The following MAPK8IP3 variants were observed in gnomAD, a reference collection of about 807,000 sequenced individuals.
The protein encoded by MAPK8IP3 is C-Jun-amino-terminal kinase-interacting protein 3.
A neutral mutation model predicts 157.8 loss-of-function variants in MAPK8IP3; 49 were observed. The observed-to-expected ratio is 0.31, with a 90% CI of 0.25 to 0.39. The LOEUF is 0.39. Ranked by LOEUF, MAPK8IP3 falls within the 10% of genes least tolerant of loss-of-function variation. MAPK8IP3 has a pLI of 1.00. For synonymous variants in MAPK8IP3, 897 were observed against 777.7 expected (o/e 1.15, Z -2.55); for missense variants, 1,478 against 1,889.4 (o/e 0.78, Z 4.04).
intron 29 of MAPK8IP3, 34 bp downstream of exon 29, chr16:1,768,141 G>A: frequency 1.2e-6 from 2 of 1,612,054 alleles, no homozygotes; most frequent in Non-Finnish European, 1.7e-6. Context: ...CCTCACGGGA[G>A]CCTCTCCCAC....
rs1221670008 is a variant in MAPK8IP3 at position 1,758,150 on chromosome 16, G to C, written c.1219G>C (p.Glu407Gln). ...CTGTGCGTCGCTGGACTCGCCAGGG[G>C]AGTTCTCAGGTGAGTATCTCACTCT... ...DVDEGADLLG[E>Q]FSVRDDFFGM... The change falls in exon 9 of 32, where the codon GAG becomes CAG. Residue 407 changes from glutamate to glutamine, a missense_variant and splice_region_variant. Glu to Gln is a conservative substitution (Grantham distance 29, BLOSUM62 2). Transcript: ENST00000610761. The C allele has an allele frequency of 6.2e-7, 1 of 1,613,756 alleles. No homozygotes were observed. The highest frequency in any genetic ancestry group is 8.5e-7 in the Non-Finnish European group (1 of 1,179,840).
chr16:1,712,048 G>GTTTTT (rs2037815585), intron 1 of MAPK8IP3, among the ~76,000 whole-genome samples: 4 of 115,856 alleles, frequency 3.5e-5, no homozygotes, highest in Non-Finnish European at 7.1e-5. Flanking sequence ...GGCCTCAGGA[G>GTTTTT]TTCTTTTTTT....
chr16:1,709,099 T>C (rs1288973899), intron 1 of MAPK8IP3, among the ~76,000 whole-genome samples: 1 of 152,184 alleles, frequency 6.6e-6, no homozygotes, highest in Non-Finnish European at 1.5e-5. Flanking sequence ...TAGTCAGAGA[T>C]GGGTAACCTG....
At chr16:1,746,779 C>T in intron 5 of MAPK8IP3, 1 of 550,480 alleles carries the variant, frequency 1.8e-6, no homozygotes, top group East Asian at 3.0e-5. Flanking sequence ...AAGCCCCGTT[C>T]CAAGCCATTT....
intron 4 of MAPK8IP3, among the ~76,000 whole-genome samples, chr16:1,738,550 CCGTGTGAG>C (rs1284393550): frequency 5.6e-5 from 7 of 125,978 alleles, no homozygotes; most frequent in Non-Finnish European, 8.1e-5. Context: ...GTGTGAGCAT[CCGTGTGAG>C]CGTGTGAGCA....
In MAPK8IP3 at chr16:1,706,227, G is replaced by T; in HGVS notation, c.-113G>T. 1 of 978,572 alleles carries T rather than the reference G, an allele frequency of 1.0e-6. No homozygotes were observed. Among genetic ancestry groups the T allele is most frequent in the Non-Finnish European group, 1.4e-6 (1 of 723,000 alleles). 60.6% of individuals were successfully genotyped at this position (978,572 alleles called of 1,614,324 possible). A position where few individuals can be genotyped will look rare whatever the true frequency, so the allele number is the denominator to read the frequency against. On this transcript the variant is annotated 5_prime_UTR_variant, in exon 1 of 32. Coordinates refer to ENST00000610761, the MANE Select transcript of MAPK8IP3 (RefSeq NM_001318852.2). The surrounding 1 kb of genome is among the most constrained non-coding windows in gnomAD (Gnocchi z 5.1). ...GCAGCGGCGGCGGCGGAGCCCTGAG[G>T]CGACAGCAGCTGCGGGAGGCGACGG...
rs1179969878 is a variant in MAPK8IP3, at chr16:1,724,291, C to T, written c.319-266C>T. Among the ~76,000 whole-genome samples the T allele has an allele frequency of 6.6e-6, 1 of 152,240 alleles. No individual in the cohort carries two copies. The highest frequency in any genetic ancestry group is 1.5e-5 in the Non-Finnish European group (1 of 68,038). On this transcript the variant is annotated intron_variant, in intron 1 of 31. Transcript: ENST00000610761. The surrounding 1 kb of genome is among the most constrained non-coding windows in gnomAD (Gnocchi z 4.1). ...TGGAAACAACAGGCTCCCTTCACAG[C>T]AAATCCTCCCGGGAGAGGAGGGTGC...
At chr16:1,756,874 G>A (rs1272700379) in intron 8 of MAPK8IP3, among the ~76,000 whole-genome samples, 3 of 152,102 alleles carry the variant, frequency 2.0e-5, no homozygotes, top group African/African-American at 7.2e-5. Flanking sequence ...TCCCATAAAA[G>A]TGCTGAGTGG....
intron 8 of MAPK8IP3, among the ~76,000 whole-genome samples, chr16:1,757,907 C>G (rs1029074467): frequency 1.3e-5 from 2 of 152,238 alleles, no homozygotes; most frequent in African/African-American, 4.8e-5. Context: ...GGTCAGGGCT[C>G]GGCAACACAG....
Position 1,762,872 on chromosome 16 carries a change from T to G in MAPK8IP3, c.1764T>G (p.Pro588=), listed in dbSNP as rs764406374. The change falls in exon 16 of 32, where the codon CCT becomes CCG. Residue 588 remains proline (P), a synonymous_variant. Coordinates refer to ENST00000610761, the MANE Select transcript of MAPK8IP3 (RefSeq NM_001318852.2). ...SRLFSSSSSP[P]PAKRPYPSVN... is the part of the protein sequence containing the mutation. ...TCTTCAGCTCTTCCTCCAGCCCCCC[T>G]CCGGCCAAGCGCCCCTATCCCTCGG... The G allele has an allele frequency of 1.9e-6, 3 of 1,612,592 alleles. No individual in the cohort carries two copies. The South Asian group carries it at 3.3e-5, about 18-fold the overall frequency.
At chr16:1,731,962 G>GT (rs1397998489) in intron 4 of MAPK8IP3, among the ~76,000 whole-genome samples, 2 of 152,154 alleles carry the variant, frequency 1.3e-5, no homozygotes, top group Non-Finnish European at 2.9e-5. Context: ...CCAGGGCTCG[G>GT]TGCTGGTTTT....
At chr16:1,721,058 C>T (rs2038484883) in intron 1 of MAPK8IP3, among the ~76,000 whole-genome samples, 1 of 151,244 alleles carries the variant, frequency 6.6e-6, no homozygotes, top group Non-Finnish European at 1.5e-5. Context: ...CAAAACAAGG[C>T]TGGGCATGGG....
In MAPK8IP3 at chr16:1,767,799, C is replaced by G; in HGVS notation, c.3410-6C>G. 1 of 1,611,546 alleles carries G rather than the reference C, an allele frequency of 6.2e-7. No individual in the cohort carries two copies. The highest frequency in any genetic ancestry group is 8.5e-7 in the Non-Finnish European group (1 of 1,179,908). On this transcript the variant is annotated splice_region_variant and splice_polypyrimidine_tract_variant and intron_variant, in intron 27 of 31. Coordinates refer to ENST00000610761, the MANE Select transcript of MAPK8IP3 (RefSeq NM_001318852.2). ...GGCCAGCCACCCTGACCGCTCTCCC[C>G]CACAGGCACTGGCAAGCTGGGTTTC...
intron 1 of MAPK8IP3, among the ~76,000 whole-genome samples, chr16:1,714,445 C>A (rs950214439): frequency 6.8e-6 from 1 of 146,206 alleles, no homozygotes; most frequent in African/African-American, 2.8e-5. Context: ...CCACGTGAAA[C>A]GCGACAGGGC....
chr16:1,763,573 C>G, intron 16 of MAPK8IP3, 84 bp from the exon 17 acceptor site: 1 of 1,382,340 alleles, frequency 7.2e-7, no homozygotes, highest in Non-Finnish European at 9.4e-7. Context: ...GCCTCCCTGC[C>G]GTGACCTCCC....
intron 2 of MAPK8IP3, among the ~76,000 whole-genome samples, chr16:1,725,202 A>G (rs1241953125): frequency 6.7e-6 from 1 of 150,160 alleles, no homozygotes; most frequent in Admixed American, 6.6e-5. Flanking sequence ...CAGTTGGTTT[A>G]CTTACCTTTA....
Position 1,706,348 on chromosome 16 carries a change from G to C in MAPK8IP3, c.9G>C (p.Glu3Asp), listed in dbSNP as rs139282045. 3.8e-6 allele frequency: 6 copies of C among 1,586,644 alleles called. No individual in the cohort carries two copies. In the Admixed American group the frequency reaches 7.0e-5, roughly 19 times the overall value. MM[E>D]IQMDEGGGVV... ...CGGCGGCGGTGGCCGCGATGATGGAGATCCAGATGGACGAGGGCGGCGGCG... is the reference window on the plus strand; with the variant it reads ...CGGCGGCGGTGGCCGCGATGATGGACATCCAGATGGACGAGGGCGGCGGCG... Residue 3 changes from glutamate (E) to aspartate (D), a missense_variant, in exon 1 of 32, where the codon GAG becomes GAC. Physicochemically the swap from Glu to Asp is conservative, Grantham distance 45. This residue lies in a region of MAPK8IP3 where 29 missense variants were observed against 29.8 expected (regional missense o/e 0.97). Coordinates refer to ENST00000610761, the MANE Select transcript of MAPK8IP3 (RefSeq NM_001318852.2). The surrounding 1 kb of genome is among the most constrained non-coding windows in gnomAD (Gnocchi z 5.1).
chr16:1,718,458 A>G (rs770702624), intron 1 of MAPK8IP3, among the ~76,000 whole-genome samples: 1 of 151,238 alleles, frequency 6.6e-6, no homozygotes, highest in Middle Eastern at 3.4e-3. Context: ...TGCTGGGATT[A>G]CAGGCATGAG....
In MAPK8IP3 at chr16:1,738,424, C is replaced by T. The variant is rs557514996; in HGVS notation, c.603-4908C>T. ...TGTGAGCGTCCGTGTGAGCGTGTGACCGTGTGAGAGAGTGACCATCCATGT... is the reference window on the plus strand; with the variant it reads ...TGTGAGCGTCCGTGTGAGCGTGTGATCGTGTGAGAGAGTGACCATCCATGT... On this transcript the variant is annotated intron_variant, in intron 4 of 31. Coordinates refer to ENST00000610761, the MANE Select transcript of MAPK8IP3 (RefSeq NM_001318852.2). Among the ~76,000 whole-genome samples, 20 of 55,228 alleles carry T rather than the reference C, an allele frequency of 3.6e-4. 2 individuals are homozygous for T. Among genetic ancestry groups the T allele is most frequent in the African/African-American group, 1.6e-3 (18 of 11,542 alleles). The allele number at this position is 55,228 out of a possible 152,430, so 36.2% of individuals were successfully genotyped here. A position where few individuals can be genotyped will look rare whatever the true frequency, so the allele number is the denominator to read the frequency against.
Sources: gnomAD v4.1 joint callset for allele counts (sites outside exome capture counted in the v4.1 genomes callset) on GRCh38, gnomAD v4.1.1 for gene constraint, gnomAD v4.1.1 regional missense constraint, Gnocchi (gnomAD v3.1) non-coding constraint, MANE v1.5 for transcripts, NCBI Gene and HGNC (gene_info 2026-07-23, HGNC 2026-07-21) for gene names.